Variants in CAMTA1 observed in about 807,000 individuals in gnomAD.
The protein encoded by CAMTA1 is calmodulin binding transcription activator 1.
A neutral mutation model predicts 170.9 loss-of-function variants in CAMTA1; 27 were observed. The observed-to-expected ratio is 0.16, with a 90% CI of 0.12 to 0.22. The LOEUF (loss-of-function observed/expected upper bound fraction) is 0.22, where lower values mean the gene tolerates loss of function less well. CAMTA1 is among the 10% of genes least tolerant of loss of function. The pLI, the probability that CAMTA1 is intolerant of heterozygous loss-of-function variation, is 1.00. For missense variants in CAMTA1, 1,619 were observed against 2,217.2 expected (o/e 0.73, Z 5.42); for synonymous variants, 833 against 891.5 (o/e 0.93, Z 1.17).
At chr1:7,474,252 T>C (rs12078368) in intron 6 of CAMTA1, among the ~76,000 whole-genome samples, 73 of 126,488 alleles carry the variant, frequency 5.8e-4, no homozygotes, top group Non-Finnish European at 7.7e-4. Context: ...TCTGGGCAGT[T>C]TGTCTAATGT....
At chr1:7,530,289 G>A (rs531592678) in intron 6 of CAMTA1, among the ~76,000 whole-genome samples, 5 of 152,328 alleles carry the variant, frequency 3.3e-5, no homozygotes, top group Admixed American at 1.3e-4. Flanking sequence ...GAAAGGAACC[G>A]AGGCTAATAA....
intron 11 of CAMTA1, among the ~76,000 whole-genome samples, chr1:7,710,863 T>A (rs1177672101): frequency 6.6e-6 from 1 of 152,102 alleles, no homozygotes. Context: ...AGCTCTTATT[T>A]CCCTGTAGTT....
At chr1:7,218,577 T>C (rs550220449) in intron 4 of CAMTA1, among the ~76,000 whole-genome samples, 1 of 152,330 alleles carries the variant, frequency 6.6e-6, no homozygotes, top group African/African-American at 2.4e-5. Flanking sequence ...CCTGCACATT[T>C]GCCAATGCTG....
intron 11 of CAMTA1, among the ~76,000 whole-genome samples, chr1:7,679,136 C>T (rs540491418): frequency 6.6e-6 from 1 of 152,362 alleles, no homozygotes; most frequent in African/African-American, 2.4e-5. Flanking sequence ...GATGACCACC[C>T]ACAGGATGTA....
At position 7,477,503 on chromosome 1, in the gene CAMTA1, G is replaced by A. The variant is rs2093439799; in HGVS notation, c.510+9602G>A. On this transcript the variant is annotated intron_variant, in intron 6 of 22. Coordinates refer to ENST00000303635, the MANE Select transcript of CAMTA1 (RefSeq NM_015215.4). ...CCTTGCCAAGGCTGCACGGCAGAGC[G>A]GACAGTATTTCCCGCTCAGACATCT... 2.6e-5 allele frequency among the ~76,000 whole-genome samples: 4 copies of A among 152,274 alleles called. No homozygotes were observed. In the South Asian group the frequency reaches 8.3e-4, roughly 32 times the overall value.
chr1:6,913,705 C>T (rs1209600054), intron 3 of CAMTA1, among the ~76,000 whole-genome samples: 1 of 151,954 alleles, frequency 6.6e-6, no homozygotes, highest in Admixed American at 6.6e-5. Flanking sequence ...AGAGATGGTG[C>T]TGAGGAAGGT....
intron 6 of CAMTA1, among the ~76,000 whole-genome samples, chr1:7,470,364 T>C (rs2093308751): frequency 6.6e-6 from 1 of 152,222 alleles, no homozygotes; most frequent in South Asian, 2.1e-4. Context: ...ACCAGGATAA[T>C]GATGCTGTGG....
intron 6 of CAMTA1, among the ~76,000 whole-genome samples, chr1:7,489,890 G>A (rs1220040521): frequency 1.3e-5 from 2 of 152,204 alleles, no homozygotes; most frequent in African/African-American, 4.8e-5. Context: ...CAGACGGGGT[G>A]ACTGGCTACT....
At position 7,532,826 on chromosome 1, in the gene CAMTA1, CA is replaced by C. The variant is rs2094506825; in HGVS notation, c.510+64926del. Among the ~76,000 whole-genome samples the C allele has an allele frequency of 1.3e-5, 2 of 152,290 alleles. No individual in the cohort carries two copies. The highest frequency in any genetic ancestry group is 4.1e-4 in the South Asian group (2 of 4,822). ...AAGGGAAGGAACACAGAAAGAGAAA[CA>C]GGCCAGCAGGGCCCCACGTGCTGAA... On this transcript the variant is annotated intron_variant, in intron 6 of 22. Coordinates refer to ENST00000303635, the MANE Select transcript of CAMTA1 (RefSeq NM_015215.4). This position sits in a 1 kb window ranked among gnomAD's most constrained non-coding sequence, Gnocchi z 4.2.
chr1:7,624,402 G>T (rs535510069), intron 6 of CAMTA1, among the ~76,000 whole-genome samples: 1 of 152,306 alleles, frequency 6.6e-6, no homozygotes, highest in East Asian at 1.9e-4. Context: ...GTGGTTGGTT[G>T]GAACAAATCA....
chr1:6,871,871 T>G, intron 3 of CAMTA1: 2 of 1,453,264 alleles, frequency 1.4e-6, no homozygotes. Flanking sequence ...TTTAATTTCA[T>G]TTTTTAATTT....
chr1:7,138,864 G>A (rs1161588513), intron 4 of CAMTA1, among the ~76,000 whole-genome samples: 1 of 151,628 alleles, frequency 6.6e-6, no homozygotes, highest in African/African-American at 2.4e-5. Context: ...GTTTTGTGGT[G>A]TGTGCCTGTA....
chr1:7,659,195 T>C (rs2095932504), intron 7 of CAMTA1, among the ~76,000 whole-genome samples: 1 of 152,122 alleles, frequency 6.6e-6, no homozygotes, highest in African/African-American at 2.4e-5. Flanking sequence ...ACCCTGAAGG[T>C]ATTCCTGCCA....
At chr1:7,750,215 T>A (rs778233207) in intron 19 of CAMTA1, among the ~76,000 whole-genome samples, 4 of 152,192 alleles carry the variant, frequency 2.6e-5, no homozygotes, top group Non-Finnish European at 5.9e-5. Flanking sequence ...GCAGGTCAGA[T>A]AAGACCAAAG....
At chr1:7,584,909 C>A (rs559386015) in intron 6 of CAMTA1, among the ~76,000 whole-genome samples, 1 of 152,262 alleles carries the variant, frequency 6.6e-6, no homozygotes, top group South Asian at 2.1e-4. Flanking sequence ...ATCCGGCCTA[C>A]GACGCCAGTA....
rs142654327 is a variant in CAMTA1 at position 7,609,454 on chromosome 1, T to C, written c.511-30946T>C. Among the ~76,000 whole-genome samples, 153 of 152,122 alleles carry C rather than the reference T, an allele frequency of 1.0e-3. No individual in the cohort carries two copies. The highest frequency in any genetic ancestry group is 3.6e-3 in the African/African-American group (149 of 41,532). On this transcript the variant is annotated intron_variant, in intron 6 of 22. Coordinates refer to ENST00000303635, the MANE Select transcript of CAMTA1 (RefSeq NM_015215.4). This position sits in a 1 kb window ranked among gnomAD's most constrained non-coding sequence, Gnocchi z 4.4. ...TTAACAGCAAATCAAAGCCCCTCAG[T>C]GAGGGCAGCAGAGCAGCAGCCAGAA...
At chr1:7,176,858 AG>A (rs1199477112) in intron 4 of CAMTA1, among the ~76,000 whole-genome samples, 1 of 152,118 alleles carries the variant, frequency 6.6e-6, no homozygotes, top group Non-Finnish European at 1.5e-5. Context: ...CAGGCCTGGA[AG>A]TGGCATGCAT....
At chr1:7,556,468 C>T (rs759855125) in intron 6 of CAMTA1, among the ~76,000 whole-genome samples, 4 of 152,206 alleles carry the variant, frequency 2.6e-5, no homozygotes, top group Non-Finnish European at 4.4e-5. Context: ...TCTGAGCATG[C>T]TCTCACCCTT....
intron 6 of CAMTA1, among the ~76,000 whole-genome samples, chr1:7,538,183 G>C (rs571613994): frequency 6.6e-6 from 1 of 152,314 alleles, no homozygotes; most frequent in South Asian, 2.1e-4. Context: ...CATAGTGCGA[G>C]TACTCCCACC....
Sources: gnomAD v4.1 joint callset for allele counts (sites outside exome capture counted in the v4.1 genomes callset) on GRCh38, gnomAD v4.1.1 for gene constraint, Gnocchi (gnomAD v3.1) non-coding constraint, MANE v1.5 for transcripts, NCBI Gene and HGNC (gene_info 2026-07-23, HGNC 2026-07-21) for gene names.